The following ANKS1B variants were observed in gnomAD, a reference collection of about 807,000 sequenced individuals.
ANKS1B encodes the protein ankyrin repeat and sterile alpha motif domain containing 1B, also known as ankyrin repeat and sterile alpha motif domain-containing protein 1B.
A neutral mutation model predicts 148.3 loss-of-function variants in ANKS1B; 36 were observed. That is an observed-to-expected ratio of 0.24 (90% CI 0.19 to 0.32). The LOEUF is 0.32. ANKS1B is among the 10% of genes least tolerant of loss of function. The pLI is 1.00. For synonymous variants in ANKS1B, 542 were observed against 560.8 expected, an observed-to-expected ratio of 0.97 and a Z score of 0.47; for missense variants, 1,157 against 1,542.6, an observed-to-expected ratio of 0.75 and a Z score of 4.19.
intron 9 of ANKS1B, among the ~76,000 whole-genome samples, chr12:99,654,398 A>C (rs2098440021): frequency 6.6e-6 from 1 of 152,280 alleles, no homozygotes; most frequent in African/African-American, 2.4e-5. Flanking sequence ...TTTCATATTA[A>C]GTTCTTTGCT....
chr12:99,345,997 T>C (rs571540051), intron 12 of ANKS1B, among the ~76,000 whole-genome samples: 1 of 152,196 alleles, frequency 6.6e-6, no homozygotes, highest in African/African-American at 2.4e-5. Flanking sequence ...AAAATTGGGC[T>C]ACTGGCATTA....
At chr12:99,015,305 A>G (rs1402826187) in intron 17 of ANKS1B, among the ~76,000 whole-genome samples, 1 of 152,204 alleles carries the variant, frequency 6.6e-6, no homozygotes, top group Non-Finnish European at 1.5e-5. Context: ...GTTCTCATTT[A>G]TAAGTGGGAA....
intron 8 of ANKS1B, among the ~76,000 whole-genome samples, chr12:99,715,501 C>G (rs1022057799): frequency 1.3e-5 from 2 of 152,156 alleles, no homozygotes; most frequent in Non-Finnish European, 2.9e-5. Context: ...TGACTCTTTT[C>G]GGACTCAGCC....
At chr12:99,878,663 TTTTTA>T (rs1485087193) in intron 1 of ANKS1B, among the ~76,000 whole-genome samples, 2 of 152,188 alleles carry the variant, frequency 1.3e-5, no homozygotes, top group Non-Finnish European at 2.9e-5. Flanking sequence ...TTTCACTTCT[TTTTTA>T]TTTTAAGTTC....
chr12:98,949,358 C>T (rs997348766), intron 17 of ANKS1B, among the ~76,000 whole-genome samples: 18 of 152,104 alleles, frequency 1.2e-4, no homozygotes, highest in Admixed American at 9.8e-4. Context: ...CTGCCTCCAT[C>T]CTTTTGCTCT....
chr12:99,319,501 TTTTG>T (rs1484504947), intron 12 of ANKS1B, among the ~76,000 whole-genome samples: 1 of 152,200 alleles, frequency 6.6e-6, no homozygotes, highest in African/African-American at 2.4e-5. Flanking sequence ...ACCCCTGCTT[TTTTG>T]TTTGTTTGTT....
In ANKS1B at chr12:99,054,967, T is replaced by C. The variant is rs190879768; in HGVS notation, c.2626-1658A>G. ...ACCCATTTTAGCTACTCATTAAATA[T>C]TTGTTCATGTAACACTTAACTCTGT... On this transcript the variant is annotated intron_variant, in intron 16 of 26. Coordinates refer to ENST00000683438, the MANE Select transcript of ANKS1B (RefSeq NM_001352186.2). Among the ~76,000 whole-genome samples, 285 of 152,370 alleles carry C rather than the reference T, an allele frequency of 1.9e-3. 3 individuals are homozygous for C. Among genetic ancestry groups the C allele is most frequent in the Middle Eastern group, 3.4e-3 (1 of 294 alleles).
At chr12:99,670,996 G>A (rs1285340442) in intron 8 of ANKS1B, among the ~76,000 whole-genome samples, 1 of 152,062 alleles carries the variant, frequency 6.6e-6, no homozygotes, top group East Asian at 1.9e-4. Flanking sequence ...TTATTCTACT[G>A]AGATCAAAAA....
intron 1 of ANKS1B, among the ~76,000 whole-genome samples, chr12:99,885,133 A>T (rs2092753128): frequency 6.6e-6 from 1 of 151,948 alleles, no homozygotes; most frequent in African/African-American, 2.4e-5. Context: ...TTTCTTCTGA[A>T]ATGTTTCTTC....
chr12:99,346,141 T>C (rs1320209362), intron 12 of ANKS1B, among the ~76,000 whole-genome samples: 1 of 152,000 alleles, frequency 6.6e-6, no homozygotes, highest in Admixed American at 6.6e-5. Context: ...CTTTAGTGTA[T>C]ATTTGCTTCA....
chr12:99,935,630 T>A (rs1045148355), intron 1 of ANKS1B, among the ~76,000 whole-genome samples: 3 of 152,144 alleles, frequency 2.0e-5, no homozygotes, highest in Non-Finnish European at 2.9e-5. Context: ...AACTTCTAGA[T>A]GCCACCAGCG....
At chr12:99,894,289 A>AAGGAAGGG (rs1421411161) in intron 1 of ANKS1B, among the ~76,000 whole-genome samples, 8 of 45,804 alleles carry the variant, frequency 1.7e-4, no homozygotes, top group Non-Finnish European at 2.4e-4. Context: ...GGAAGGAAGG[A>AAGGAAGGG]AGGGAGGGAG....
At chr12:99,790,474 T>A (rs1191582969) in intron 4 of ANKS1B, among the ~76,000 whole-genome samples, 1 of 152,134 alleles carries the variant, frequency 6.6e-6, no homozygotes, top group Non-Finnish European at 1.5e-5. Context: ...AATAACCCTG[T>A]AATTACGGTG....
chr12:98,793,972 T>C (rs758683623), intron 22 of ANKS1B, among the ~76,000 whole-genome samples: 1 of 152,178 alleles, frequency 6.6e-6, no homozygotes, highest in Non-Finnish European at 1.5e-5. Context: ...AAAAACTGTA[T>C]GTCTTGGAAT....
intron 17 of ANKS1B, among the ~76,000 whole-genome samples, chr12:98,833,249 A>T (rs1426110301): frequency 1.3e-5 from 2 of 152,182 alleles, no homozygotes; most frequent in Non-Finnish European, 2.9e-5. Flanking sequence ...CGAGTGGTTA[A>T]GTCACCTACC....
intron 12 of ANKS1B, among the ~76,000 whole-genome samples, chr12:99,360,140 TTAAC>T (rs1212659757): frequency 6.6e-6 from 1 of 152,148 alleles, no homozygotes. Flanking sequence ...GACTAAATAA[TTAAC>T]TGACTGGCAG....
At chr12:99,969,185 G>C (rs2095527429) in intron 1 of ANKS1B, among the ~76,000 whole-genome samples, 1 of 152,056 alleles carries the variant, frequency 6.6e-6, no homozygotes, top group Non-Finnish European at 1.5e-5. Context: ...GGGTTTTTGT[G>C]GGGGTTGTTC....
intron 12 of ANKS1B, among the ~76,000 whole-genome samples, chr12:99,256,819 T>C (rs1232449739): frequency 6.6e-6 from 1 of 152,194 alleles, no homozygotes; most frequent in African/African-American, 2.4e-5. Flanking sequence ...TGTCTCACTA[T>C]GGATTTCTGT....
chr12:99,114,040 T>C (rs1473546829), intron 15 of ANKS1B, among the ~76,000 whole-genome samples: 2 of 152,232 alleles, frequency 1.3e-5, no homozygotes, highest in African/African-American at 2.4e-5. Flanking sequence ...TTTGTAATAC[T>C]TTTGCACAAC....
Sources: allele counts gnomAD v4.1 joint callset (sites outside exome capture counted in the v4.1 genomes callset), GRCh38; gene constraint gnomAD v4.1.1; transcripts MANE v1.5; gene names NCBI Gene and HGNC (gene_info 2026-07-23, HGNC 2026-07-21).